Variants in PCDHGA6 observed in about 807,000 individuals in gnomAD.
The protein encoded by PCDHGA6 is protocadherin gamma subfamily A, 6.
Under a neutral mutation model 60.6 loss-of-function variants are expected in PCDHGA6, and 41 were observed. The ratio of observed to expected loss-of-function variants is 0.68; its 90% CI spans 0.53 to 0.88. The LOEUF (loss-of-function observed/expected upper bound fraction) is 0.88. PCDHGA6 is among the 40% of genes least tolerant of loss of function. The pLI is 0.00. For synonymous variants in PCDHGA6, 594 were observed against 524.4 expected, an observed-to-expected ratio of 1.13 and a Z score of -1.81; for missense variants, 1,312 against 1,203.0, an observed-to-expected ratio of 1.09 and a Z score of -1.34.
chr5:141,487,968 T>C lies in PCDHGA6; in HGVS notation c.2425-6839T>C, dbSNP rs2099670029. Among the ~76,000 whole-genome samples the C allele has an allele frequency of 6.6e-6, 1 of 152,236 alleles. No individual in the cohort carries two copies. The highest frequency in any genetic ancestry group is 1.5e-5 in the Non-Finnish European group (1 of 68,050). On this transcript the variant is annotated intron_variant, in intron 1 of 3. Transcript: ENST00000517434. This position sits in a 1 kb window ranked among gnomAD's most constrained non-coding sequence, Gnocchi z 5.0. The stretch of plus-strand genomic sequence containing the variant: ...AGGCAGTCACTTGGACAAAGGTGGC[T>C]GTTTTCTCTACTCTTCCTGAAAGAG...
In PCDHGA6 at chr5:141,477,200, C is replaced by A; in HGVS notation, c.2425-17607C>A. On this transcript the variant is annotated intron_variant, in intron 1 of 3. Transcript: ENST00000517434. The surrounding 1 kb of genome is among the most constrained non-coding windows in gnomAD (Gnocchi z 4.9). The stretch of plus-strand genomic sequence containing the variant: ...AGTCACCTCCGTGTACAGCCCAGTA[C>A]CCGAGGATGCCCCTCTGGGGACTGT... 6.2e-7 allele frequency: 1 copy of A among 1,614,206 alleles called. No homozygotes were observed. Among genetic ancestry groups the A allele is most frequent in the South Asian group, 1.1e-5 (1 of 91,088 alleles).
At position 141,489,076 on chromosome 5, in the gene PCDHGA6, C is replaced by T. The variant is rs536134432; in HGVS notation, c.2425-5731C>T. The T allele has an allele frequency of 6.1e-6, 2 of 326,424 alleles. No individual in the cohort carries two copies. Among genetic ancestry groups the T allele is most frequent in the East Asian group, 5.8e-5 (1 of 17,220 alleles). 20.2% of individuals were successfully genotyped at this position (326,424 alleles called of 1,614,324 possible). On this transcript the variant is annotated intron_variant, in intron 1 of 3. Coordinates refer to ENST00000517434, the MANE Select transcript of PCDHGA6 (RefSeq NM_018919.3). The surrounding 1 kb of genome is among the most constrained non-coding windows in gnomAD (Gnocchi z 4.5). The stretch of plus-strand genomic sequence containing the variant: ...CAGCTCCCCTCCCCCCTGCCCACCC[C>T]CGCCACTCGGTGACTAAGAACTGCT...
chr5:141,410,579 G>A (rs760249748), intron 1 of PCDHGA6: 17 of 1,610,792 alleles, frequency 1.1e-5, no homozygotes, highest in Non-Finnish European at 1.4e-5. Context: ...TCCACCTCAT[G>A]GTGGGGAGGA....
At chr5:141,410,722 ATCC>A (rs2154543211) in intron 1 of PCDHGA6, 21 of 1,396,054 alleles carry the variant, frequency 1.5e-5, no homozygotes, top group Non-Finnish European at 2.0e-5. Context: ...TATGTTTAAA[ATCC>A]ATAGCTTTTT....
chr5:141,384,770 G>A, intron 1 of PCDHGA6: 3 of 1,613,906 alleles, frequency 1.9e-6, no homozygotes, highest in Non-Finnish European at 2.5e-6. Flanking sequence ...CTGTACACGG[G>A]CGAGGTGCGC....
At position 141,476,749 on chromosome 5, in the gene PCDHGA6, G is replaced by C; in HGVS notation, c.2425-18058G>C. On this transcript the variant is annotated intron_variant, in intron 1 of 3. Transcript: ENST00000517434. The surrounding 1 kb of genome is among the most constrained non-coding windows in gnomAD (Gnocchi z 7.6). ...ACCGAGAACGGGAGCCTAGTCTCCA[G>C]TTAGTGCTGACGGCGTTGGACGGAG... is the stretch of plus-strand genomic sequence containing the variant. 1.9e-6 allele frequency: 3 copies of C among 1,614,042 alleles called. No homozygotes were observed. The highest frequency in any genetic ancestry group is 2.5e-6 in the Non-Finnish European group (3 of 1,180,038).
intron 1 of PCDHGA6, chr5:141,393,354 G>T: frequency 6.2e-7 from 1 of 1,613,944 alleles, no homozygotes; most frequent in African/African-American, 1.3e-5. Flanking sequence ...CTTCTCCCTG[G>T]ACGTGCAGAC....
Position 141,491,000 on chromosome 5 carries a change from C to T in PCDHGA6, c.2425-3807C>T. 6.2e-7 allele frequency: 1 copy of T among 1,614,142 alleles called. No homozygotes were observed. The highest frequency in any genetic ancestry group is 1.1e-5 in the South Asian group (1 of 91,086). On this transcript the variant is annotated intron_variant, in intron 1 of 3. Transcript: ENST00000517434. The surrounding 1 kb of genome is among the most constrained non-coding windows in gnomAD (Gnocchi z 5.4). ...CTCCCTCGCTCTGCTCCTCCTGGCTCCTTGGTCACCAAGGTGACAGCCGTG... is the reference window on the plus strand; with the variant it reads ...CTCCCTCGCTCTGCTCCTCCTGGCTTCTTGGTCACCAAGGTGACAGCCGTG...
chr5:141,383,620 G>C, intron 1 of PCDHGA6: 1 of 1,613,872 alleles, frequency 6.2e-7, no homozygotes, highest in Middle Eastern at 1.6e-4. Flanking sequence ...CCACACGCCT[G>C]TCTTCTCTCT....
chr5:141,485,689 G>A lies in PCDHGA6; in HGVS notation c.2425-9118G>A. On this transcript the variant is annotated intron_variant, in intron 1 of 3. Transcript: ENST00000517434. This position sits in a 1 kb window ranked among gnomAD's most constrained non-coding sequence, Gnocchi z 5.7. ...GCAATTCGATTAGCAGCTATAGGCT[G>A]AGCTCCAATGAACACTTTGCACTGG... The A allele has an allele frequency of 6.2e-7, 1 of 1,614,086 alleles. No individual in the cohort carries two copies. The highest frequency in any genetic ancestry group is 8.5e-7 in the Non-Finnish European group (1 of 1,179,970).
intron 1 of PCDHGA6, among the ~76,000 whole-genome samples, chr5:141,460,003 A>AG (rs1177398494): frequency 6.6e-6 from 1 of 152,186 alleles, no homozygotes; most frequent in African/African-American, 2.4e-5. Context: ...GCTTGAACCC[A>AG]GGAGGCGGAG....
intron 1 of PCDHGA6, chr5:141,428,075 A>G (rs1427780901): frequency 5.0e-6 from 8 of 1,609,154 alleles, no homozygotes; most frequent in Non-Finnish European, 4.2e-6. Context: ...CAGATTCGGG[A>G]CACAACGCTT....
rs2095194600 is a variant in PCDHGA6 at position 141,408,919 on chromosome 5, C to T, written c.2424+32412C>T. On this transcript the variant is annotated intron_variant, in intron 1 of 3. Transcript: ENST00000517434. The stretch of plus-strand genomic sequence containing the variant: ...CTGTCAAGGATACCAATGATAACCC[C>T]CCGGTTTTCAGCAGAGACGAATATA... 2.5e-6 allele frequency: 4 copies of T among 1,613,346 alleles called. No individual in the cohort carries two copies. The African/African-American group carries it at 4.0e-5, about 16-fold the overall frequency.
intron 1 of PCDHGA6, chr5:141,413,221 G>A (rs1384304697): frequency 1.2e-6 from 2 of 1,613,452 alleles, no homozygotes; most frequent in East Asian, 2.2e-5. Flanking sequence ...GGATTGCAGC[G>A]GGCTGGTCCT....
At chr5:141,384,549 G>C in intron 1 of PCDHGA6, 1 of 1,614,244 alleles carries the variant, frequency 6.2e-7, no homozygotes, top group Non-Finnish European at 8.5e-7. Context: ...CACTGAGCCT[G>C]TTCGTGCTGG....
rs1488305057 is a variant in PCDHGA6, at chr5:141,477,736, C to G, written c.2425-17071C>G. 6.2e-7 allele frequency: 1 copy of G among 1,613,790 alleles called. No homozygotes were observed. The highest frequency in any genetic ancestry group is 1.1e-5 in the South Asian group (1 of 91,088). On this transcript the variant is annotated intron_variant, in intron 1 of 3. Coordinates refer to ENST00000517434, the MANE Select transcript of PCDHGA6 (RefSeq NM_018919.3). This position sits in a 1 kb window ranked among gnomAD's most constrained non-coding sequence, Gnocchi z 4.9. ...AATTTGAATTAACAGCTCATATCAG[C>G]GATGGGGGCACCCCGGTCCTAGCCA...
chr5:141,494,701 C>G, intron 1 of PCDHGA6, 106 bp from the exon 2 acceptor site: 1 of 1,594,596 alleles, frequency 6.3e-7, no homozygotes, highest in Non-Finnish European at 8.6e-7. Context: ...CCGTTTTCTT[C>G]TCTGTGCCCA....
chr5:141,404,147 G>A lies in PCDHGA6; in HGVS notation c.2424+27640G>A, dbSNP rs750117507. 2 of 1,612,990 alleles carry A rather than the reference G, an allele frequency of 1.2e-6. No homozygotes were observed. The highest frequency in any genetic ancestry group is 1.7e-6 in the Non-Finnish European group (2 of 1,179,340). ...ATCTTTTACATTAGAAAATTCAGAA[G>A]AAGATTATTACAGATTGTTGACGGC... On this transcript the variant is annotated intron_variant, in intron 1 of 3. Coordinates refer to ENST00000517434, the MANE Select transcript of PCDHGA6 (RefSeq NM_018919.3).
chr5:141,403,243 T>C (rs1363955978), intron 1 of PCDHGA6: 2 of 1,613,894 alleles, frequency 1.2e-6, no homozygotes, highest in East Asian at 4.5e-5. Context: ...AGCTCTGTGC[T>C]CAGAGCCCGC....
Sources: gnomAD v4.1 joint callset for allele counts (sites outside exome capture counted in the v4.1 genomes callset) on GRCh38, gnomAD v4.1.1 for gene constraint, Gnocchi (gnomAD v3.1) non-coding constraint, MANE v1.5 for transcripts, NCBI Gene and HGNC (gene_info 2026-07-23, HGNC 2026-07-21) for gene names.